The following PPOX variants were observed in gnomAD, a reference collection of about 807,000 sequenced individuals.
PPOX encodes variegate porphyria.
PPOX carries 23 observed loss-of-function variants against 54.1 expected under a neutral mutation model. The ratio of observed to expected loss-of-function variants is 0.43; its 90% confidence interval spans 0.31 to 0.60. The LOEUF is 0.60. Among genes scored for constraint, PPOX ranks in the 20% least tolerant of loss-of-function variants. PPOX has a pLI of 0.13. For synonymous variants in PPOX, 224 were observed against 236.1 expected, an observed-to-expected ratio of 0.95 and a Z score of 0.47; for missense variants, 512 against 601.1, an observed-to-expected ratio of 0.85 and a Z score of 1.55.
chr1:161,174,436 T>C (rs1571496944), downstream of PPOX, among the ~76,000 whole-genome samples: 1 of 146,794 alleles, frequency 6.8e-6, no homozygotes, highest in African/African-American at 2.5e-5. Context: ...AGAATAAAAG[T>C]GAAAAGAGGG....
intron 4 of PPOX, 173 bp from the exon 5 acceptor site, chr1:161,167,822 C>G: frequency 1.9e-6 from 2 of 1,079,332 alleles, no homozygotes; most frequent in South Asian, 2.9e-5. Context: ...CTCGGCCTGC[C>G]AAAGTGCTGG....
upstream of PPOX, chr1:161,165,982 T>G (rs1249005901): frequency 1.8e-6 from 1 of 551,150 alleles, no homozygotes; most frequent in Non-Finnish European, 2.3e-6. Context: ...GATGGGGGAG[T>G]GCCACTGTTG....
At chr1:161,166,251 C>T (rs968477738), upstream of PPOX, 27 of 960,890 alleles carry the variant, frequency 2.8e-5, no homozygotes, top group Non-Finnish European at 3.2e-5. Context: ...GTGACGGGTA[C>T]GGCCGCTCAC....
chr1:161,172,604 TG>T (rs1348998388), downstream of PPOX, among the ~76,000 whole-genome samples: 1 of 152,176 alleles, frequency 6.6e-6, no homozygotes, highest in East Asian at 1.9e-4. Flanking sequence ...TCCTAGGAGC[TG>T]CCCTTGCAGT....
chr1:161,171,347 TC>T, downstream of PPOX: 1 of 1,165,566 alleles, frequency 8.6e-7, no homozygotes, highest in Non-Finnish European at 1.2e-6. Flanking sequence ...TATATCAAAA[TC>T]CCAGCCCCCT....
chr1:161,175,743 T>A (rs1663257708), downstream of PPOX: 1 of 1,582,920 alleles, frequency 6.3e-7, no homozygotes, highest in Non-Finnish European at 8.6e-7. Flanking sequence ...TGCCTCCCTA[T>A]CCCCAAGCCT....
downstream of PPOX, chr1:161,172,371 G>C (rs755467809): frequency 1.3e-6 from 2 of 1,559,258 alleles, no homozygotes; most frequent in Non-Finnish European, 1.8e-6. Flanking sequence ...ATCCAGAGTA[G>C]AGAAAAGCAA....
chr1:161,172,196 C>T, downstream of PPOX: 1 of 1,612,802 alleles, frequency 6.2e-7, no homozygotes, highest in Non-Finnish European at 8.5e-7. Context: ...GATCCAGTAA[C>T]AATTCCCAGG....
At chr1:161,169,629 C>G in intron 7 of PPOX, 31 bp from the exon 8 acceptor site, 1 of 1,607,424 alleles carries the variant, frequency 6.2e-7, no homozygotes, top group Non-Finnish European at 8.5e-7. Context: ...TTCTCATTTT[C>G]TGGGTCTCTC....
At chr1:161,173,548 T>C, downstream of PPOX, 1 of 1,611,040 alleles carries the variant, frequency 6.2e-7, no homozygotes, top group Non-Finnish European at 8.5e-7. Context: ...AAAGGTGGTC[T>C]TAGAGGACAG....
chr1:161,166,067 T>A (rs925442962), upstream of PPOX: 80 of 983,846 alleles, frequency 8.1e-5, no homozygotes, highest in Non-Finnish European at 8.1e-5. Flanking sequence ...AGGAGCTGTT[T>A]ATGGAGCCGC....
chr1:161,171,793 T>TTAAGGTA (rs1661525509), downstream of PPOX: 1 of 1,612,480 alleles, frequency 6.2e-7, no homozygotes. Context: ...GGTTTCATGA[T>TTAAGGTA]TAAGGTAGAC....
downstream of PPOX, among the ~76,000 whole-genome samples, chr1:161,174,208 C>A (rs1218666894): frequency 6.6e-6 from 1 of 152,100 alleles, no homozygotes; most frequent in Non-Finnish European, 1.5e-5. Flanking sequence ...GAGATTGAGA[C>A]CACCCTGGCT....
At chr1:161,171,741 A>G, downstream of PPOX, 1 of 1,550,058 alleles carries the variant, frequency 6.5e-7, no homozygotes. Context: ...CTCTGAGAAC[A>G]GTGAGGAGCT....
downstream of PPOX, chr1:161,173,727 G>T: frequency 6.2e-7 from 1 of 1,614,110 alleles, no homozygotes; most frequent in Non-Finnish European, 8.5e-7. Flanking sequence ...GGTACGGGAG[G>T]CTAGGGAGAG....
chr1:161,168,656 T>C, intron 6 of PPOX, 80 bp downstream of exon 6: 1 of 1,554,528 alleles, frequency 6.4e-7, no homozygotes, highest in Non-Finnish European at 8.8e-7. Context: ...TGCTATTCAA[T>C]GATTCTTTTT....
At chr1:161,174,987 G>C (rs1337886919), downstream of PPOX, 7 of 1,612,548 alleles carry the variant, frequency 4.3e-6, no homozygotes, top group South Asian at 1.1e-5. Flanking sequence ...TGGAGATTGG[G>C]GGTACCTGGT....
Position 161,169,037 on chromosome 1 carries a change from G to A in PPOX, c.661G>A (p.Ala221Thr), listed in dbSNP as rs952064540. 6 of 1,614,092 alleles carry A rather than the reference G, an allele frequency of 3.7e-6. No individual in the cohort carries two copies. Among genetic ancestry groups the A allele is most frequent in the Admixed American group, 1.7e-5 (1 of 60,004 alleles). The change falls in exon 7 of 13, where the codon GCT becomes ACT. Residue 221 changes from alanine (A) to threonine (T), a missense_variant. By Grantham distance (58) the Ala-to-Thr change is moderately conservative. Coordinates refer to ENST00000367999, the MANE Select transcript of PPOX (RefSeq NM_001122764.3). ...CTCAGCACTCATTCGCCAGGCCTTGGCTGAGCGCTGGAGCCAGTGGTCACT... is the reference window on the plus strand; with the variant it reads ...CTCAGCACTCATTCGCCAGGCCTTGACTGAGCGCTGGAGCCAGTGGTCACT... ...PDSALIRQAL[A>T]ERWSQWSLRG...
chr1:161,174,819 G>A, downstream of PPOX: 2 of 663,676 alleles, frequency 3.0e-6, no homozygotes, highest in Non-Finnish European at 5.2e-6. Context: ...GCAGATTAAG[G>A]AAAAGTATGG....
Sources: allele counts gnomAD v4.1 joint callset (sites outside exome capture counted in the v4.1 genomes callset), GRCh38; gene constraint gnomAD v4.1.1; transcripts MANE v1.5; gene names NCBI Gene and HGNC (gene_info 2026-07-23, HGNC 2026-07-21).